SLCO1A2: variants seen among roughly 807,000 people sequenced by gnomAD.
SLCO1A2 encodes the protein solute carrier organic anion transporter family member 1A2.
In SLCO1A2, 67 loss-of-function variants were observed where a neutral mutation model predicts 69.0. That is an observed-to-expected ratio of 0.97 (90% CI 0.80 to 1.19). The LOEUF (loss-of-function observed/expected upper bound fraction) is 1.19, where lower values mean the gene tolerates loss of function less well. Ranked by LOEUF, SLCO1A2 falls within the 50% of genes most tolerant of loss-of-function variation. The probability of loss-of-function intolerance (pLI) is 0.00; values close to 1 mark genes in which losing one functional copy is unlikely to be tolerated. For missense variants in SLCO1A2, 787 were observed against 793.7 expected (o/e 0.99, Z 0.10); for synonymous variants, 260 against 265.9 (o/e 0.98, Z 0.22).
chr12:21,294,675 G>A (rs963587461), intron 10 of SLCO1A2: 2 of 152,138 alleles, frequency 1.3e-5, no homozygotes, highest in Admixed American at 1.3e-4. Context: ...TTCTGTCTGG[G>A]AATCAGCATC....
intron 12 of SLCO1A2, among the ~76,000 whole-genome samples, chr12:21,278,815 G>C (rs560310867): frequency 3.3e-5 from 5 of 152,206 alleles, no homozygotes; most frequent in South Asian, 2.1e-4. Flanking sequence ...CAAGCATAAA[G>C]AACATACAGG....
At position 21,301,281 on chromosome 12, in the gene SLCO1A2, T is replaced by C. The variant is rs1269360875; in HGVS notation, c.590-12A>G. ...TGTTTCTACAAGCCCTAAAAATAAA[T>C]AAAAGTATAAGGTTATAGTACAGTT... is the stretch of plus-strand genomic sequence containing the variant. On this transcript the variant is annotated splice_polypyrimidine_tract_variant and intron_variant, in intron 6 of 14. Transcript: ENST00000683939. The C allele has an allele frequency of 6.3e-7, 1 of 1,579,214 alleles. No homozygotes were observed. The highest frequency in any genetic ancestry group is 8.7e-7 in the Non-Finnish European group (1 of 1,152,796).
intron 1 of SLCO1A2, among the ~76,000 whole-genome samples, chr12:21,409,110 G>A (rs1452460121): frequency 1.3e-5 from 2 of 152,070 alleles, no homozygotes; most frequent in East Asian, 1.9e-4. Context: ...TCTCAAATTC[G>A]TAACTCTGGA....
chr12:21,387,595 C>T (rs1940944410), intron 1 of SLCO1A2, among the ~76,000 whole-genome samples: 1 of 152,194 alleles, frequency 6.6e-6, no homozygotes, highest in Admixed American at 6.5e-5. Context: ...GGAACCTCCA[C>T]CTAGATTTCA....
At chr12:21,295,492 C>T in intron 10 of SLCO1A2, 105 bp downstream of exon 10, 1 of 728,262 alleles carries the variant, frequency 1.4e-6, no homozygotes, top group South Asian at 1.8e-5. Flanking sequence ...GGATTACTAT[C>T]ATTAACTCCA....
rs1163281916 is a variant in SLCO1A2 at position 21,301,195 on chromosome 12, C to T, written c.664G>A (p.Val222Ile). Residue 222 changes from valine (V) to isoleucine (I), a missense_variant, in exon 7 of 15, where the codon GTT becomes ATT. By Grantham distance (29) the Val-to-Ile change is conservative (BLOSUM62 3). Transcript: ENST00000683939. ...LLASFCANVY[V>I]DTGFVNTDDL... The stretch of plus-strand genomic sequence containing the variant: ...CCTGTGTTCACAAATCCAGTGTCAA[C>T]ATAAACATTTGCACAGAATGATGCC... 1.9e-6 allele frequency: 3 copies of T among 1,612,044 alleles called. No homozygotes were observed. The highest frequency in any genetic ancestry group is 1.1e-5 in the South Asian group (1 of 90,968).
chr12:21,314,714 A>C, intron 3 of SLCO1A2, 33 bp from the exon 4 acceptor site: 1 of 1,510,234 alleles, frequency 6.6e-7, no homozygotes, highest in Non-Finnish European at 9.2e-7. Flanking sequence ...CATTTTAAAA[A>C]GTATGAACAA....
At chr12:21,305,117 T>A (rs1181349631) in intron 5 of SLCO1A2, among the ~76,000 whole-genome samples, 3 of 152,216 alleles carry the variant, frequency 2.0e-5, no homozygotes, top group African/African-American at 7.2e-5. Flanking sequence ...TGGGTAATCA[T>A]CATAGGTTCT....
intron 5 of SLCO1A2, 100 bp from the exon 6 acceptor site, chr12:21,304,673 A>G (rs1949133285): frequency 7.3e-6 from 8 of 1,097,496 alleles, no homozygotes; most frequent in Non-Finnish European, 9.2e-6. Context: ...TTATATGACC[A>G]TGGCCCCTTG....
Position 21,295,649 on chromosome 12 carries a change from G to C in SLCO1A2, c.1219C>G (p.Leu407Val). 6.2e-7 allele frequency: 1 copy of C among 1,605,988 alleles called. No homozygotes were observed. The highest frequency in any genetic ancestry group is 8.5e-7 in the Non-Finnish European group (1 of 1,173,032). The change falls in exon 10 of 15, where the codon CTC (leucine) becomes GTC (valine). Residue 407 changes from leucine (L) to valine (V), a missense_variant. Leu to Val is a conservative substitution (Grantham distance 32). Coordinates refer to ENST00000683939, the MANE Select transcript of SLCO1A2 (RefSeq NM_001386879.1). ...ACTGAAGAATTTTCACAAGTCATGAGAAAAGATAAAAAATAGAGAAGATAC... is the reference window on the plus strand; with the variant it reads ...ACTGAAGAATTTTCACAAGTCATGACAAAAGATAAAAAATAGAGAAGATAC... ...LEYLLYFLSFLMTCENSSVVG... is the reference protein window; with the variant it reads ...LEYLLYFLSFVMTCENSSVVG...
intron 11 of SLCO1A2, among the ~76,000 whole-genome samples, chr12:21,293,578 T>G (rs1947249006): frequency 6.6e-6 from 1 of 150,386 alleles, no homozygotes; most frequent in South Asian, 2.1e-4. Context: ...TATATATATA[T>G]GTGTGTATAT....
chr12:21,271,550 T>A (rs1221482962), intron 14 of SLCO1A2, among the ~76,000 whole-genome samples: 2 of 150,996 alleles, frequency 1.3e-5, no homozygotes, highest in South Asian at 4.2e-4. Flanking sequence ...TTTTCTAAAT[T>A]CTGAGTTCAT....
chr12:21,299,379 A>G lies in SLCO1A2; in HGVS notation c.910+969T>C, dbSNP rs1948219632. Among the ~76,000 whole-genome samples, 5 of 152,046 alleles carry G rather than the reference A, an allele frequency of 3.3e-5. No homozygotes were observed. In the South Asian group the frequency reaches 1.0e-3, roughly 31 times the overall value. On this transcript the variant is annotated intron_variant, in intron 8 of 14. Transcript: ENST00000683939. ...TTATTGAGGTTCTGTACCAAAAAAA[A>G]TGTTACATGCAATTTACCCTTTCAT...
intron 1 of SLCO1A2, chr12:21,380,066 T>G (rs1940491180): frequency 6.6e-6 from 1 of 152,298 alleles, no homozygotes; most frequent in African/African-American, 2.4e-5. Flanking sequence ...TAAATTATAA[T>G]CTCTCAAACT....
At chr12:21,291,508 C>G (rs1946844276) in intron 12 of SLCO1A2, among the ~76,000 whole-genome samples, 2 of 151,732 alleles carry the variant, frequency 1.3e-5, no homozygotes, top group Non-Finnish European at 2.9e-5. Context: ...TTTAGAGCTC[C>G]AAAAGAAGAA....
Position 21,388,523 on chromosome 12 carries a change from C to T in SLCO1A2, c.-190+6383G>A, listed in dbSNP as rs189535583. 3.2e-3 allele frequency among the ~76,000 whole-genome samples: 488 copies of T among 152,202 alleles called. 2 individuals are homozygous for T. Among genetic ancestry groups the T allele is most frequent in the Admixed American group, 7.1e-3 (109 of 15,284 alleles). On this transcript the variant is annotated intron_variant, in intron 1 of 15. Transcript: ENST00000307378. Reference sequence around the variant, plus strand: ...GCCACCATGTAAGATGTCCTTTGCTCCTCCTTCTTCTGCCATGATTGTGAG... The same window carrying T: ...GCCACCATGTAAGATGTCCTTTGCTTCTCCTTCTTCTGCCATGATTGTGAG...
At position 21,334,635 on chromosome 12, in the gene SLCO1A2, C is replaced by T. The variant is rs759739686; in HGVS notation, c.13G>A (p.Glu5Lys). Reference protein sequence around the residue: MGETEKRIETHRIRC... With the variant: MGETKKRIETHRIRC... The stretch of plus-strand genomic sequence containing the variant: ...ATTCTATGGGTTTCAATTCTTTTCT[C>T]AGTTTCTCCCATGTTGCTCTTCAGG... The change falls in exon 2 of 15, where the codon GAG becomes AAG. Residue 5 changes from glutamate (E) to lysine (K), a missense_variant. Physicochemically the swap from Glu to Lys is moderately conservative, Grantham distance 56. Transcript: ENST00000683939. 3.7e-6 allele frequency: 6 copies of T among 1,609,950 alleles called. No individual in the cohort carries two copies. The highest frequency in any genetic ancestry group is 4.5e-5 in the East Asian group (2 of 44,686).
At chr12:21,339,662 G>A (rs966684598), upstream of SLCO1A2, among the ~76,000 whole-genome samples, 2 of 151,918 alleles carry the variant, frequency 1.3e-5, no homozygotes, top group Non-Finnish European at 2.9e-5. Flanking sequence ...ATTTACAGCA[G>A]TGGAAAGTCA....
At chr12:21,318,211 C>G (rs990654242) in intron 3 of SLCO1A2, among the ~76,000 whole-genome samples, 1 of 151,960 alleles carries the variant, frequency 6.6e-6, no homozygotes, top group Non-Finnish European at 1.5e-5. Flanking sequence ...CTCCGCCTCT[C>G]GGGTTCACAC....
Sources: gnomAD v4.1 joint callset for allele counts (sites outside exome capture counted in the v4.1 genomes callset) on GRCh38, gnomAD v4.1.1 for gene constraint, MANE v1.5 for transcripts, NCBI Gene and HGNC (gene_info 2026-07-23, HGNC 2026-07-21) for gene names.